Variants in SIPA1L3 observed in about 807,000 individuals in gnomAD.
SIPA1L3 encodes the protein signal-induced proliferation-associated 1-like protein 3.
SIPA1L3 carries 59 observed loss-of-function variants against 150.1 expected under a neutral mutation model. The observed-to-expected ratio is 0.39, with a 90% CI of 0.32 to 0.49. The LOEUF (loss-of-function observed/expected upper bound fraction) is 0.49, where lower values mean the gene tolerates loss of function less well. Ranked by LOEUF, SIPA1L3 falls within the 20% of genes least tolerant of loss-of-function variation. The pLI, the probability that SIPA1L3 is intolerant of heterozygous loss-of-function variation, is 0.86. For synonymous variants in SIPA1L3, 1,070 were observed against 1,077.6 expected (o/e 0.99, Z 0.14); for missense variants, 2,211 against 2,489.5 (o/e 0.89, Z 2.38).
intron 1 of SIPA1L3, among the ~76,000 whole-genome samples, chr19:37,949,859 A>G (rs2046746230): frequency 6.6e-6 from 1 of 152,142 alleles, no homozygotes; most frequent in Non-Finnish European, 1.5e-5. Context: ...CAGGCGGATC[A>G]CAAGGTCAAG....
At chr19:38,064,929 C>T (rs1238590774) in intron 2 of SIPA1L3, among the ~76,000 whole-genome samples, 4 of 152,216 alleles carry the variant, frequency 2.6e-5, no homozygotes, top group African/African-American at 9.6e-5. Flanking sequence ...GACTTTGCTT[C>T]TATCCACTCT....
intron 9 of SIPA1L3, among the ~76,000 whole-genome samples, chr19:38,120,704 A>C (rs1157381061): frequency 1.3e-5 from 2 of 152,216 alleles, no homozygotes; most frequent in African/African-American, 4.8e-5. Flanking sequence ...GTCTAGGTAG[A>C]AATCTTCCCC....
intron 4 of SIPA1L3, among the ~76,000 whole-genome samples, chr19:38,098,475 A>C (rs1600065833): frequency 1.3e-5 from 2 of 148,264 alleles, no homozygotes; most frequent in Admixed American, 1.4e-4. Context: ...GCTCACTGCA[A>C]CCTCCGCCTC....
chr19:38,192,137 C>A lies in SIPA1L3; in HGVS notation c.4431-8C>A. 6.3e-7 allele frequency: 1 copy of A among 1,594,584 alleles called. No homozygotes were observed. Among genetic ancestry groups the A allele is most frequent in the South Asian group, 1.1e-5 (1 of 88,626 alleles). On this transcript the variant is annotated splice_region_variant and splice_polypyrimidine_tract_variant and intron_variant, in intron 16 of 21. Transcript: ENST00000222345. ...GACACCCCTCTGACCCTGACGCTGT[C>A]ATTCCAGGCAGGTGGACACGAACAC... is the stretch of plus-strand genomic sequence containing the variant.
At chr19:38,137,664 TA>T (rs1188012864) in intron 10 of SIPA1L3, among the ~76,000 whole-genome samples, 5 of 152,172 alleles carry the variant, frequency 3.3e-5, no homozygotes, top group Admixed American at 2.0e-4. Context: ...ATTTAGTTAT[TA>T]TTTTTTTGGA....
rs562186095 is a variant in SIPA1L3, at chr19:38,081,727, GGCCACC to G, written c.187_192del (p.Ala63_Thr64del). The G allele has an allele frequency of 1.1e-3, 1,795 of 1,602,790 alleles. 2 individuals are homozygous for G. Among genetic ancestry groups the G allele is most frequent in the African/African-American group, 4.7e-3 (351 of 74,860 alleles). On this transcript the variant is annotated inframe_deletion, in exon 3 of 22. Transcript: ENST00000222345. ...TGTCCCAGCCTCTTGGCGAGAGCCC[GGCCACC>G]GCCACCGCCACCGCCACCGCCACCA... is the stretch of plus-strand genomic sequence containing the variant.
intron 1 of SIPA1L3, among the ~76,000 whole-genome samples, chr19:37,961,183 T>TTA (rs892530969): frequency 6.9e-6 from 1 of 145,724 alleles, no homozygotes; most frequent in Non-Finnish European, 1.5e-5. Flanking sequence ...TTTTTTTTTT[T>TTA]AATTTAAAAT....
chr19:37,979,977 G>A (rs996018089), intron 1 of SIPA1L3, among the ~76,000 whole-genome samples: 4 of 152,202 alleles, frequency 2.6e-5, no homozygotes, highest in East Asian at 3.8e-4. Flanking sequence ...CTGGGAGCCA[G>A]GGCAGGTCTA....
intron 6 of SIPA1L3, 43 bp from the exon 7 acceptor site, chr19:38,106,494 A>C (rs1400563928): frequency 2.2e-6 from 3 of 1,356,916 alleles, no homozygotes; most frequent in Non-Finnish European, 3.2e-6. Context: ...GCAAAAACCC[A>C]GAGGTTTTGG....
intron 1 of SIPA1L3, among the ~76,000 whole-genome samples, chr19:37,910,928 C>T (rs1229017953): frequency 6.6e-6 from 1 of 152,108 alleles, no homozygotes; most frequent in Non-Finnish European, 1.5e-5. Context: ...CTATTTTGGT[C>T]ATGACCTTTT....
chr19:38,091,529 G>A (rs1179963300), intron 4 of SIPA1L3, among the ~76,000 whole-genome samples: 1 of 152,128 alleles, frequency 6.6e-6, no homozygotes, highest in African/African-American at 2.4e-5. Context: ...CACGATTCTA[G>A]GGTGAAGACC....
At chr19:38,092,880 G>A (rs1240321287) in intron 4 of SIPA1L3, among the ~76,000 whole-genome samples, 2 of 135,518 alleles carry the variant, frequency 1.5e-5, no homozygotes, top group Non-Finnish European at 3.1e-5. Flanking sequence ...TTTTTCCCGA[G>A]ACGGAGTCTA....
chr19:38,089,856 G>T (rs545404496), intron 4 of SIPA1L3, among the ~76,000 whole-genome samples: 2 of 152,208 alleles, frequency 1.3e-5, no homozygotes, highest in Non-Finnish European at 2.9e-5. Context: ...CAAACTTCCG[G>T]CATAGCTGGA....
At chr19:38,043,335 A>G (rs2145744212) in intron 2 of SIPA1L3, among the ~76,000 whole-genome samples, 1 of 152,276 alleles carries the variant, frequency 6.6e-6, no homozygotes, top group East Asian at 1.9e-4. Context: ...GCGAGACTTC[A>G]TCTCAAAATA....
At chr19:38,044,846 C>T (rs900520184) in intron 2 of SIPA1L3, among the ~76,000 whole-genome samples, 8 of 152,002 alleles carry the variant, frequency 5.3e-5, no homozygotes, top group South Asian at 2.1e-4. Context: ...GACATCTGGG[C>T]GCCCCCCAGA....
At chr19:37,927,959 C>T (rs551369509) in intron 1 of SIPA1L3, among the ~76,000 whole-genome samples, 6 of 152,134 alleles carry the variant, frequency 3.9e-5, no homozygotes, top group African/African-American at 7.2e-5. Flanking sequence ...GATGGGCATC[C>T]GGGTTGATTC....
chr19:37,922,285 G>A (rs1009062675), intron 1 of SIPA1L3, among the ~76,000 whole-genome samples: 6 of 151,178 alleles, frequency 4.0e-5, no homozygotes, highest in East Asian at 1.9e-4. Flanking sequence ...ACGGGGTTTC[G>A]CCATGTTAAC....
chr19:38,196,546 G>A (rs979425582), intron 18 of SIPA1L3, among the ~76,000 whole-genome samples: 11 of 151,564 alleles, frequency 7.3e-5, no homozygotes, highest in African/African-American at 1.7e-4. Flanking sequence ...GAGCAAGGAG[G>A]TCAAGGGCGG....
chr19:37,918,479 C>T (rs1175744830), intron 1 of SIPA1L3, among the ~76,000 whole-genome samples: 3 of 151,860 alleles, frequency 2.0e-5, no homozygotes, highest in Non-Finnish European at 4.4e-5. Flanking sequence ...AGGATGGTCT[C>T]AATCTCTTGA....
Sources: gnomAD v4.1 joint callset for allele counts (sites outside exome capture counted in the v4.1 genomes callset) on GRCh38, gnomAD v4.1.1 for gene constraint, MANE v1.5 for transcripts, NCBI Gene and HGNC (gene_info 2026-07-23, HGNC 2026-07-21) for gene names.